Variants in CAPS2 observed in about 807,000 individuals in gnomAD.
The protein encoded by CAPS2 is calcyphosin-2.
CAPS2 carries 98 observed loss-of-function variants against 86.5 expected under a neutral mutation model. The observed-to-expected ratio is 1.13, with a 90% CI of 0.96 to 1.34. CAPS2 has a LOEUF of 1.34. Among genes scored for constraint, CAPS2 ranks in the 40% most tolerant of loss-of-function variants. The pLI is 0.00. For synonymous variants in CAPS2, 210 were observed against 225.1 expected, an observed-to-expected ratio of 0.93 and a Z score of 0.60; for missense variants, 729 against 686.8, an observed-to-expected ratio of 1.06 and a Z score of -0.69.
intron 16 of CAPS2, 49 bp downstream of exon 16, chr12:75,282,202 A>G (rs768564295): frequency 1.0e-6 from 1 of 976,734 alleles, no homozygotes. Flanking sequence ...TATTATCTTT[A>G]TTAAGTAACA....
At chr12:75,283,010 G>A (rs777798640) in intron 15 of CAPS2, among the ~76,000 whole-genome samples, 9 of 152,186 alleles carry the variant, frequency 5.9e-5, no homozygotes, top group African/African-American at 9.6e-5. Flanking sequence ...CATATGAAAC[G>A]CATAAATGGC....
intron 1 of CAPS2, among the ~76,000 whole-genome samples, chr12:75,344,309 G>T (rs1037427037): frequency 2.0e-5 from 3 of 151,890 alleles, no homozygotes; most frequent in Non-Finnish European, 4.4e-5. Context: ...TGATGCTCTT[G>T]TCTTTTTTCT....
intron 1 of CAPS2, chr12:75,371,002 T>G (rs756473275): frequency 1.3e-5 from 2 of 152,222 alleles, no homozygotes; most frequent in Non-Finnish European, 2.9e-5. Context: ...GCTATTGCAT[T>G]AGGGCTCTCT....
At chr12:75,300,178 A>G (rs1353175217) in intron 8 of CAPS2, among the ~76,000 whole-genome samples, 2 of 152,216 alleles carry the variant, frequency 1.3e-5, no homozygotes, top group Non-Finnish European at 2.9e-5. Flanking sequence ...GAATAGAGAT[A>G]CAACATTTGC....
chr12:75,343,642 T>G (rs1337910613), intron 1 of CAPS2: 4 of 1,342,040 alleles, frequency 3.0e-6, no homozygotes, highest in African/African-American at 1.5e-5. Context: ...TTAGAATAAT[T>G]TAATGCAAAT....
chr12:75,359,408 C>A (rs1593800356), intron 1 of CAPS2, among the ~76,000 whole-genome samples: 1 of 89,402 alleles, frequency 1.1e-5, no homozygotes, highest in Non-Finnish European at 2.0e-5. Context: ...TCTATGAATT[C>A]AAGACAATCC....
chr12:75,277,902 C>G, exon 17 of CAPS2: 1 of 822,490 alleles, frequency 1.2e-6, no homozygotes, highest in Non-Finnish European at 1.5e-6. Flanking sequence ...ATACATGTAA[C>G]TATTAAATAA....
intron 5 of CAPS2, 84 bp downstream of exon 5, chr12:75,321,316 G>C: frequency 1.2e-6 from 1 of 827,210 alleles, no homozygotes; most frequent in East Asian, 2.7e-5. Context: ...CTAATAGCAA[G>C]ATATGTCACA....
At chr12:75,352,195 T>C (rs2139452800) in intron 1 of CAPS2, among the ~76,000 whole-genome samples, 1 of 152,280 alleles carries the variant, frequency 6.6e-6, no homozygotes, top group East Asian at 1.9e-4. Flanking sequence ...AGGCCCCATA[T>C]AAAAGGCACA....
chr12:75,352,692 G>T (rs1441844737), intron 1 of CAPS2, among the ~76,000 whole-genome samples: 1 of 152,162 alleles, frequency 6.6e-6, no homozygotes, highest in African/African-American at 2.4e-5. Context: ...CAAAACAACA[G>T]AATATACATT....
chr12:75,285,962 A>G (rs2034804371), intron 14 of CAPS2, among the ~76,000 whole-genome samples: 1 of 152,022 alleles, frequency 6.6e-6, no homozygotes, highest in Admixed American at 6.6e-5. Context: ...TATTCACTTT[A>G]CCATTACCAT....
At chr12:75,279,209 C>A (rs2137966613) in intron 16 of CAPS2, 144 bp from the exon 17 acceptor site, 2 of 751,922 alleles carry the variant, frequency 2.7e-6, no homozygotes, top group South Asian at 2.0e-5. Flanking sequence ...TTTATTTACA[C>A]ATGAACTGGA....
chr12:75,296,824 G>A (rs185228165), intron 11 of CAPS2, among the ~76,000 whole-genome samples: 51 of 152,306 alleles, frequency 3.3e-4, no homozygotes, highest in Admixed American at 9.8e-4. Context: ...AAGATTGGGG[G>A]CAGGAACAAG....
chr12:75,380,691 G>A (rs1323286381), intron 1 of CAPS2, among the ~76,000 whole-genome samples: 4 of 152,082 alleles, frequency 2.6e-5, no homozygotes, highest in Non-Finnish European at 4.4e-5. Context: ...CTAACAGTAG[G>A]TATTACTATG....
intron 1 of CAPS2, chr12:75,370,955 T>G (rs2044320330): frequency 6.6e-6 from 1 of 152,216 alleles, no homozygotes; most frequent in African/African-American, 2.4e-5. Flanking sequence ...ATCTGGATGT[T>G]TTTCTTCTCA....
intron 1 of CAPS2, among the ~76,000 whole-genome samples, chr12:75,377,677 A>G (rs2044722603): frequency 6.6e-6 from 1 of 152,118 alleles, no homozygotes; most frequent in Admixed American, 6.6e-5. Context: ...CCACAGTGGC[A>G]GCTGACTGGA....
intron 7 of CAPS2, among the ~76,000 whole-genome samples, chr12:75,308,362 G>C (rs897692360): frequency 6.6e-6 from 1 of 152,180 alleles, no homozygotes; most frequent in Admixed American, 6.5e-5. Context: ...TGTACACCAA[G>C]TAACCAATGG....
chr12:75,359,416 T>C (rs2043412347), intron 1 of CAPS2, among the ~76,000 whole-genome samples: 1 of 119,028 alleles, frequency 8.4e-6, no homozygotes, highest in Admixed American at 1.1e-4. Context: ...TTCAAGACAA[T>C]CCCAGTAAAA....
intron 1 of CAPS2, among the ~76,000 whole-genome samples, chr12:75,382,686 G>A (rs973373554): frequency 6.6e-6 from 1 of 151,944 alleles, no homozygotes; most frequent in African/African-American, 2.4e-5. Context: ...CAAGTGCAGT[G>A]TACAAGTGTA....
Sources: gnomAD v4.1 joint callset for allele counts (sites outside exome capture counted in the v4.1 genomes callset) on GRCh38, gnomAD v4.1.1 for gene constraint, MANE v1.5 for transcripts, NCBI Gene and HGNC (gene_info 2026-07-23, HGNC 2026-07-21) for gene names.